Variants in CSMD1 observed in about 807,000 individuals in gnomAD.
CSMD1 encodes the protein CUB and Sushi multiple domains 1.
A neutral mutation model predicts 417.5 loss-of-function variants in CSMD1; 213 were observed. The observed-to-expected ratio is 0.51, with a 90% CI of 0.46 to 0.57. The LOEUF is 0.57. Among genes scored for constraint, CSMD1 ranks in the 20% least tolerant of loss-of-function variants. CSMD1 has a pLI of 0.00. For synonymous variants in CSMD1, 2,862 were observed against 1,736.8 expected (o/e 1.65, Z -16.11); for missense variants, 6,923 against 4,529.7 (o/e 1.53, Z -15.17).
At chr8:3,079,629 C>T (rs4483181) in intron 49 of CSMD1, among the ~76,000 whole-genome samples, 2 of 151,928 alleles carry the variant, frequency 1.3e-5, no homozygotes, top group Non-Finnish European at 2.9e-5. Context: ...ATCCTCCTAA[C>T]ATTTGAGAAT....
rs1291484763 is a variant in CSMD1, at chr8:3,155,407, A to G, written c.5914+2490T>C. ...TTTTGAGACAGAATCTCGCTCTGTC[A>G]CCCAGGATGGAGTGCAGTGGCGCGA... is the stretch of plus-strand genomic sequence containing the variant. On this transcript the variant is annotated intron_variant, in intron 39 of 69. Coordinates refer to ENST00000635120, the MANE Select transcript of CSMD1 (RefSeq NM_033225.6). 1.8e-4 allele frequency among the ~76,000 whole-genome samples: 11 copies of G among 60,706 alleles called. No individual in the cohort carries two copies. The East Asian group carries it at 5.2e-3, about 28-fold the overall frequency. 39.8% of individuals were successfully genotyped at this position (60,706 alleles called of 152,430 possible). A position where few individuals can be genotyped will look rare whatever the true frequency, so the allele number is the denominator to read the frequency against.
intron 1 of CSMD1, among the ~76,000 whole-genome samples, chr8:4,964,144 C>G (rs1410048954): frequency 1.3e-5 from 2 of 151,756 alleles, no homozygotes; most frequent in Non-Finnish European, 2.9e-5. Context: ...CACATTCTTT[C>G]CAAAGACTTC....
chr8:3,263,504 A>T (rs976186129), intron 26 of CSMD1, among the ~76,000 whole-genome samples: 9 of 152,332 alleles, frequency 5.9e-5, no homozygotes, highest in Non-Finnish European at 1.2e-4. Context: ...ATAATCAGTT[A>T]TTGGAAAGAG....
intron 3 of CSMD1, among the ~76,000 whole-genome samples, chr8:4,095,108 G>A (rs567086744): frequency 1.1e-4 from 16 of 152,294 alleles, no homozygotes; most frequent in African/African-American, 3.4e-4. Flanking sequence ...ACAAAGTGAC[G>A]TGACGGATAT....
At chr8:4,592,703 G>C (rs1317903883) in intron 2 of CSMD1, among the ~76,000 whole-genome samples, 1 of 151,926 alleles carries the variant, frequency 6.6e-6, no homozygotes, top group African/African-American at 2.4e-5. Flanking sequence ...CCTTATTTTT[G>C]ATGACATTTA....
At chr8:4,386,144 G>T (rs1011708961) in intron 3 of CSMD1, among the ~76,000 whole-genome samples, 2 of 152,054 alleles carry the variant, frequency 1.3e-5, no homozygotes, top group Admixed American at 1.3e-4. Context: ...TCCGTCCCTG[G>T]TTATGACTTC....
chr8:3,037,637 G>T (rs910720566), intron 50 of CSMD1, among the ~76,000 whole-genome samples: 5 of 152,074 alleles, frequency 3.3e-5, no homozygotes, highest in Admixed American at 3.3e-4. Flanking sequence ...TGGAGCGGAC[G>T]GTAAGAGGAT....
At chr8:3,664,542 G>A (rs577465692) in intron 7 of CSMD1, among the ~76,000 whole-genome samples, 4 of 152,296 alleles carry the variant, frequency 2.6e-5, no homozygotes, top group South Asian at 2.1e-4. Context: ...GGTCAAGAGC[G>A]TGAGTGTTTC....
chr8:3,606,449 G>C (rs775951422), intron 8 of CSMD1, among the ~76,000 whole-genome samples: 3 of 152,060 alleles, frequency 2.0e-5, no homozygotes, highest in East Asian at 1.9e-4. Flanking sequence ...CCTAAACATA[G>C]AAAAGGAGCA....
At chr8:4,825,389 C>T (rs1039653114) in intron 1 of CSMD1, among the ~76,000 whole-genome samples, 3 of 152,084 alleles carry the variant, frequency 2.0e-5, no homozygotes, top group Non-Finnish European at 4.4e-5. Context: ...ACCAGTTATT[C>T]AGCATATAAT....
intron 7 of CSMD1, among the ~76,000 whole-genome samples, chr8:3,688,153 C>G (rs187803003): frequency 6.6e-6 from 1 of 152,126 alleles, no homozygotes; most frequent in African/African-American, 2.4e-5. Flanking sequence ...TATTTAGACA[C>G]AATAAAAATA....
chr8:3,204,521 A>G (rs1015603691), intron 31 of CSMD1, among the ~76,000 whole-genome samples: 1 of 152,160 alleles, frequency 6.6e-6, no homozygotes, highest in Admixed American at 6.6e-5. Flanking sequence ...ATTACTGCCC[A>G]TTTATCATAA....
At chr8:3,972,057 G>C (rs533359925) in intron 5 of CSMD1, among the ~76,000 whole-genome samples, 3 of 151,958 alleles carry the variant, frequency 2.0e-5, no homozygotes, top group Non-Finnish European at 4.4e-5. Flanking sequence ...TTTTCATAGA[G>C]ACAGGGGCTC....
intron 1 of CSMD1, among the ~76,000 whole-genome samples, chr8:4,659,802 T>C (rs146559973): frequency 1.9e-3 from 282 of 152,248 alleles, no homozygotes; most frequent in African/African-American, 6.4e-3. Context: ...TAAATTTCAT[T>C]TTAATAATTT....
chr8:3,346,057 G>C (rs1399740218), intron 22 of CSMD1, among the ~76,000 whole-genome samples: 1 of 152,108 alleles, frequency 6.6e-6, no homozygotes, highest in Non-Finnish European at 1.5e-5. Context: ...AATGTGAACA[G>C]CATTAGGCTT....
chr8:3,452,381 T>C (rs1241609838), intron 12 of CSMD1, among the ~76,000 whole-genome samples: 1 of 152,178 alleles, frequency 6.6e-6, no homozygotes, highest in Admixed American at 6.5e-5. Context: ...GAGAGGGCAC[T>C]CCTGTCTTGT....
chr8:3,058,875 G>A (rs1279080712), intron 49 of CSMD1, among the ~76,000 whole-genome samples: 1 of 152,008 alleles, frequency 6.6e-6, no homozygotes, highest in African/African-American at 2.4e-5. Context: ...CAAGTACCCT[G>A]CAGGGACCTC....
In CSMD1 at chr8:3,757,501, A is replaced by G. The variant is rs547626388; in HGVS notation, c.819-3459T>C. Among the ~76,000 whole-genome samples, 17 of 152,316 alleles carry G rather than the reference A, an allele frequency of 1.1e-4. No individual in the cohort carries two copies. In the South Asian group the frequency reaches 3.5e-3, roughly 32 times the overall value. ...ACTTAACAATGTGAAAGCCACTCTT[A>G]GCTGATGGGCCAGATTTGGCCTGCA... On this transcript the variant is annotated intron_variant, in intron 5 of 69. Coordinates refer to ENST00000635120, the MANE Select transcript of CSMD1 (RefSeq NM_033225.6).
intron 3 of CSMD1, among the ~76,000 whole-genome samples, chr8:4,079,722 G>A (rs1000833156): frequency 2.6e-5 from 4 of 152,130 alleles, no homozygotes; most frequent in Non-Finnish European, 4.4e-5. Context: ...AGTATGAATA[G>A]CCCAATGGAT....
Sources: gnomAD v4.1 joint callset for allele counts (sites outside exome capture counted in the v4.1 genomes callset) on GRCh38, gnomAD v4.1.1 for gene constraint, MANE v1.5 for transcripts, NCBI Gene and HGNC (gene_info 2026-07-23, HGNC 2026-07-21) for gene names.